The following ANKRD44 variants were observed in gnomAD, a reference collection of about 807,000 sequenced individuals.
ANKRD44 encodes serine/threonine-protein phosphatase 6 regulatory ankyrin repeat subunit B.
ANKRD44 carries 35 observed loss-of-function variants against 116.0 expected under a neutral mutation model. That is an observed-to-expected ratio of 0.30 (90% CI 0.23 to 0.40). ANKRD44 has a LOEUF of 0.40. Ranked by LOEUF, ANKRD44 falls within the 10% of genes least tolerant of loss-of-function variation. The probability of loss-of-function intolerance (pLI) is 1.00; values close to 1 mark genes in which losing one functional copy is unlikely to be tolerated. For synonymous variants in ANKRD44, 435 were observed against 461.8 expected, an observed-to-expected ratio of 0.94 and a Z score of 0.74; for missense variants, 1,014 against 1,242.6, an observed-to-expected ratio of 0.82 and a Z score of 2.77.
At chr2:197,041,373 A>G (rs1014583987) in intron 16 of ANKRD44, among the ~76,000 whole-genome samples, 2 of 152,160 alleles carry the variant, frequency 1.3e-5, no homozygotes, top group Non-Finnish European at 2.9e-5. Context: ...TTGTCCCTGC[A>G]GTAGCCAGTA....
chr2:197,078,552 T>A (rs1174637071), intron 16 of ANKRD44, 151 bp downstream of exon 16: 2 of 1,503,586 alleles, frequency 1.3e-6, no homozygotes, highest in Non-Finnish European at 1.8e-6. Context: ...GAAAAAACAC[T>A]TTTTGAAATC....
At chr2:197,056,283 C>CA (rs139857438) in intron 16 of ANKRD44, among the ~76,000 whole-genome samples, 2,822 of 145,850 alleles carry the variant, frequency 0.019, 37 homozygotes, top group Middle Eastern at 0.035. Context: ...AATTTACACA[C>CA]AAAAAAAAAA....
chr2:197,059,379 C>T (rs1413443160), intron 16 of ANKRD44, among the ~76,000 whole-genome samples: 1 of 152,126 alleles, frequency 6.6e-6, no homozygotes, highest in African/African-American at 2.4e-5. Flanking sequence ...TGTTAAATTA[C>T]AGCATAAATT....
intron 16 of ANKRD44, among the ~76,000 whole-genome samples, chr2:197,026,915 A>T (rs917435882): frequency 3.3e-5 from 5 of 152,110 alleles, no homozygotes; most frequent in African/African-American, 1.2e-4. Flanking sequence ...GAGAGAGGCC[A>T]AGGATGACGC....
intron 1 of ANKRD44, among the ~76,000 whole-genome samples, chr2:197,278,544 A>T (rs1404195639): frequency 1.3e-5 from 2 of 152,110 alleles, no homozygotes; most frequent in East Asian, 3.9e-4. Context: ...TTTAGTAGAG[A>T]CGGGGTTTCA....
chr2:197,270,373 TG>T (rs1456155372), intron 1 of ANKRD44, among the ~76,000 whole-genome samples: 1 of 151,534 alleles, frequency 6.6e-6, no homozygotes, highest in African/African-American at 2.4e-5. Flanking sequence ...TCTGAGGAGG[TG>T]GGGAAGAAGA....
At chr2:197,256,841 C>T (rs2082460597) in intron 1 of ANKRD44, among the ~76,000 whole-genome samples, 2 of 152,162 alleles carry the variant, frequency 1.3e-5, no homozygotes, top group Admixed American at 6.5e-5. Context: ...CCAGGACTTC[C>T]ATGTACTCCC....
At chr2:197,067,068 A>G (rs1350589077) in intron 16 of ANKRD44, among the ~76,000 whole-genome samples, 2 of 152,228 alleles carry the variant, frequency 1.3e-5, no homozygotes, top group African/African-American at 2.4e-5. Context: ...ACAGCATGGT[A>G]CTGGTACCAA....
chr2:197,010,624 G>C (rs959036036), intron 18 of ANKRD44, among the ~76,000 whole-genome samples: 7 of 152,124 alleles, frequency 4.6e-5, no homozygotes, highest in African/African-American at 1.5e-4. Context: ...TTTCTGCCAG[G>C]CTATTGAACG....
intron 20 of ANKRD44, among the ~76,000 whole-genome samples, chr2:197,007,472 T>TA (rs34003702): frequency 2.2e-4 from 34 of 151,578 alleles, no homozygotes; most frequent in East Asian, 9.7e-4. Context: ...CTCTGGGCTT[T>TA]AAAAAAAAAT....
intron 21 of ANKRD44, among the ~76,000 whole-genome samples, chr2:196,971,298 A>G (rs899544810): frequency 3.3e-5 from 5 of 152,148 alleles, no homozygotes; most frequent in Non-Finnish European, 5.9e-5. Flanking sequence ...TAAACATTTA[A>G]CTGCAACTTG....
chr2:197,158,932 A>G (rs915208653), intron 2 of ANKRD44, among the ~76,000 whole-genome samples: 1 of 152,030 alleles, frequency 6.6e-6, no homozygotes, highest in Non-Finnish European at 1.5e-5. Flanking sequence ...GGGACATTCT[A>G]TTACAGTAGA....
chr2:197,213,918 G>A (rs907453912), intron 1 of ANKRD44, among the ~76,000 whole-genome samples: 2 of 152,140 alleles, frequency 1.3e-5, no homozygotes, highest in East Asian at 1.9e-4. Flanking sequence ...CCTTTAAGAG[G>A]GTATATGTAT....
intron 10 of ANKRD44, 34 bp downstream of exon 10, chr2:197,099,782 G>T (rs1170089408): frequency 6.2e-7 from 1 of 1,612,394 alleles, no homozygotes; most frequent in Non-Finnish European, 8.5e-7. Flanking sequence ...CCCACTTGAG[G>T]CAATTATTCC....
At chr2:197,206,398 AT>A (rs916837875) in intron 1 of ANKRD44, among the ~76,000 whole-genome samples, 3 of 152,196 alleles carry the variant, frequency 2.0e-5, no homozygotes, top group African/African-American at 7.2e-5. Context: ...AAAGTATTAA[AT>A]AAGGCAAGGC....
chr2:197,041,650 C>T (rs2076913940), intron 16 of ANKRD44, among the ~76,000 whole-genome samples: 1 of 152,162 alleles, frequency 6.6e-6, no homozygotes, highest in African/African-American at 2.4e-5. Context: ...ATCTTCCTGT[C>T]TCTTTTTCTG....
rs1559077489 is a variant in ANKRD44 at position 197,118,620 on chromosome 2, AG to A, written c.906+2711del. 2.9e-3 allele frequency among the ~76,000 whole-genome samples: 389 copies of A among 135,194 alleles called. 2 individuals are homozygous for A. The highest frequency in any genetic ancestry group is 0.01 in the African/African-American group (358 of 35,378). The allele number at this position is 135,194 out of a possible 152,430, so 88.7% of individuals were successfully genotyped here. On this transcript the variant is annotated intron_variant, in intron 8 of 27. Transcript: ENST00000282272. ...ACAAAAGAAAGAGAGAAAGAAAGAGAGAGAGAGAGAGAGAGAGAGAAAGAAA... is the reference window on the plus strand; with the variant it reads ...ACAAAAGAAAGAGAGAAAGAAAGAGAAGAGAGAGAGAGAGAGAGAAAGAAA...
At chr2:197,301,350 G>A (rs1026866070) in intron 1 of ANKRD44, 2 of 152,148 alleles carry the variant, frequency 1.3e-5, no homozygotes, top group Admixed American at 6.5e-5. Flanking sequence ...ATACATGGGA[G>A]ATCCACTCTT....
chr2:197,127,142 C>CAATG (rs964989567), intron 4 of ANKRD44, among the ~76,000 whole-genome samples: 1 of 152,220 alleles, frequency 6.6e-6, no homozygotes, highest in African/African-American at 2.4e-5. Context: ...AAGTCCAGGG[C>CAATG]AATGACCTGT....
Sources: allele counts gnomAD v4.1 joint callset (sites outside exome capture counted in the v4.1 genomes callset), GRCh38; gene constraint gnomAD v4.1.1; transcripts MANE v1.5; gene names NCBI Gene and HGNC (gene_info 2026-07-23, HGNC 2026-07-21).